Variants in OTOGL observed in about 807,000 individuals in gnomAD.
The protein encoded by OTOGL is otogelin-like protein.
In OTOGL, 285 loss-of-function variants were observed where a neutral mutation model predicts 318.5. That is an observed-to-expected ratio of 0.89 (90% CI 0.81 to 0.99). OTOGL has a LOEUF of 0.99. OTOGL is among the 50% of genes least tolerant of loss of function. The probability of loss-of-function intolerance (pLI) is 0.00; values close to 1 mark genes in which losing one functional copy is unlikely to be tolerated. For synonymous variants in OTOGL, 987 were observed against 936.5 expected (o/e 1.05, Z -0.99); for missense variants, 2,899 against 2,845.6 (o/e 1.02, Z -0.43).
intron 26 of OTOGL, among the ~76,000 whole-genome samples, chr12:80,282,663 C>A (rs1884322322): frequency 6.6e-6 from 1 of 151,756 alleles, no homozygotes; most frequent in Non-Finnish European, 1.5e-5. Flanking sequence ...AGAATCCTTT[C>A]ATCCCCTGAG....
chr12:80,171,859 A>C (rs2137218771), intron 1 of OTOGL, among the ~76,000 whole-genome samples: 1 of 152,106 alleles, frequency 6.6e-6, no homozygotes, highest in East Asian at 1.9e-4. Flanking sequence ...ATTCTCTATT[A>C]TTCTTCTTAG....
At chr12:80,114,961 C>G (rs1253179460) in intron 1 of OTOGL, among the ~76,000 whole-genome samples, 1 of 151,744 alleles carries the variant, frequency 6.6e-6, no homozygotes, top group African/African-American at 2.4e-5. Flanking sequence ...TTTTTCAGCT[C>G]CATCAGGTCA....
At position 80,279,013 on chromosome 12, in the gene OTOGL, GTTA is replaced by G; in HGVS notation, c.2790-12_2790-10del. ...TCGTTTCTTTAGAAAGGTAACTTTT[GTTA>G]TTTTTTAATAGCGTTTGTCGACGAG... On this transcript the variant is annotated splice_polypyrimidine_tract_variant and intron_variant, in intron 25 of 58. Transcript: ENST00000547103. 2 of 1,071,218 alleles carry G rather than the reference GTTA, an allele frequency of 1.9e-6. No individual in the cohort carries two copies. The highest frequency in any genetic ancestry group is 1.3e-6 in the Non-Finnish European group (1 of 750,726). The allele number at this position is 1,071,218 out of a possible 1,614,324, so 66.4% of individuals were successfully genotyped here.
At chr12:80,223,418 T>C (rs1042004138) in intron 7 of OTOGL, among the ~76,000 whole-genome samples, 10 of 151,986 alleles carry the variant, frequency 6.6e-5, no homozygotes, top group African/African-American at 1.7e-4. Context: ...TTTTGTATAA[T>C]GACTTCTTTT....
intron 36 of OTOGL, 121 bp from the exon 37 acceptor site, chr12:80,328,930 A>G: frequency 2.8e-6 from 3 of 1,055,466 alleles, no homozygotes; most frequent in Non-Finnish European, 4.1e-6. Flanking sequence ...TTCCACTAAC[A>G]TCTCTCCTGC....
intron 1 of OTOGL, among the ~76,000 whole-genome samples, chr12:80,120,722 G>A (rs1920406): frequency 0.6 from 91,490 of 151,962 alleles, 28,137 homozygotes; most frequent in African/African-American, 0.73. Context: ...AGATTCCCTC[G>A]ATATAAAAAC....
intron 35 of OTOGL, among the ~76,000 whole-genome samples, chr12:80,327,437 A>G (rs886469336): frequency 6.6e-6 from 1 of 152,124 alleles, no homozygotes; most frequent in African/African-American, 2.4e-5. Context: ...CACAGGTCCT[A>G]ATTTTCTTGA....
At chr12:80,375,245 G>T (rs1171135340) in intron 57 of OTOGL, among the ~76,000 whole-genome samples, 1 of 152,148 alleles carries the variant, frequency 6.6e-6, no homozygotes, top group Non-Finnish European at 1.5e-5. Context: ...AGTTTTTGAG[G>T]AATGAATTAG....
chr12:80,163,416 A>T (rs1406518494), intron 1 of OTOGL, among the ~76,000 whole-genome samples: 2 of 152,132 alleles, frequency 1.3e-5, no homozygotes, highest in Admixed American at 6.6e-5. Context: ...TTGTAGGAGA[A>T]ATTCAGTCTC....
chr12:80,112,606 G>A (rs1869909410), intron 1 of OTOGL, among the ~76,000 whole-genome samples: 1 of 152,038 alleles, frequency 6.6e-6, no homozygotes, highest in South Asian at 2.1e-4. Flanking sequence ...ACTTTATTGT[G>A]GTGGATAAGC....
chr12:80,181,116 G>T (rs891238234), intron 1 of OTOGL, among the ~76,000 whole-genome samples: 1 of 152,034 alleles, frequency 6.6e-6, no homozygotes, highest in African/African-American at 2.4e-5. Flanking sequence ...GAGCATGAAG[G>T]TTTGTCAATT....
At chr12:80,238,576 G>T (rs1178028202) in intron 9 of OTOGL, among the ~76,000 whole-genome samples, 2 of 152,060 alleles carry the variant, frequency 1.3e-5, no homozygotes, top group East Asian at 3.9e-4. Flanking sequence ...TGTGTACGTT[G>T]TACTCACTCA....
At chr12:80,202,311 C>A (rs1299992097) in intron 1 of OTOGL, among the ~76,000 whole-genome samples, 1 of 150,712 alleles carries the variant, frequency 6.6e-6, no homozygotes, top group Admixed American at 6.6e-5. Flanking sequence ...CACTCTGTTG[C>A]CCAGGCTGGA....
chr12:80,151,464 G>A (rs1872777217), intron 1 of OTOGL, among the ~76,000 whole-genome samples: 2 of 151,784 alleles, frequency 1.3e-5, no homozygotes, highest in African/African-American at 4.8e-5. Context: ...ACAAGCTCAT[G>A]GTCAACTTCC....
At chr12:80,272,086 A>G (rs1446955976) in intron 24 of OTOGL, among the ~76,000 whole-genome samples, 2 of 152,174 alleles carry the variant, frequency 1.3e-5, no homozygotes, top group Non-Finnish European at 2.9e-5. Context: ...TGACACAATT[A>G]ATCACTCTTC....
At chr12:80,125,954 C>G (rs1592472513) in intron 1 of OTOGL, among the ~76,000 whole-genome samples, 1 of 151,952 alleles carries the variant, frequency 6.6e-6, no homozygotes, top group Admixed American at 6.6e-5. Context: ...GTCTTGCTAG[C>G]AGTCTATCAA....
chr12:80,279,133 C>G lies in OTOGL; in HGVS notation c.2895C>G (p.Asp965Glu), dbSNP rs1884026170. Residue 965 changes from aspartate (D) to glutamate (E), a missense_variant, in exon 26 of 59, where the codon GAC becomes GAG. Transcript: ENST00000547103. ...ATTCTTTTGATGGACTAGAATATGACTATATCAGTGATTGCCAGGTGTTTT... is the reference window on the plus strand; with the variant it reads ...ATTCTTTTGATGGACTAGAATATGAGTATATCAGTGATTGCCAGGTGTTTT... ...HYYSFDGLEY[D>E]YISDCQVFLI... 2 of 1,593,628 alleles carry G rather than the reference C, an allele frequency of 1.3e-6. No individual in the cohort carries two copies. The highest frequency in any genetic ancestry group is 3.4e-5 in the Admixed American group (2 of 59,392).
intron 1 of OTOGL, among the ~76,000 whole-genome samples, chr12:80,152,994 C>T (rs867755097): frequency 2.0e-5 from 3 of 152,132 alleles, no homozygotes; most frequent in Middle Eastern, 3.4e-3. Context: ...GCACCCTGGC[C>T]GTGTCATCAA....
At chr12:80,208,588 G>A (rs1225118582) in intron 1 of OTOGL, among the ~76,000 whole-genome samples, 1 of 152,160 alleles carries the variant, frequency 6.6e-6, no homozygotes, top group East Asian at 1.9e-4. Context: ...ACATATTAGA[G>A]CTCTTTTCTC....
Sources: allele counts gnomAD v4.1 joint callset (sites outside exome capture counted in the v4.1 genomes callset), GRCh38; gene constraint gnomAD v4.1.1; transcripts MANE v1.5; gene names NCBI Gene and HGNC (gene_info 2026-07-23, HGNC 2026-07-21).